MCF2: variants seen among roughly 807,000 people sequenced by gnomAD.
The protein encoded by MCF2 is proto-oncogene DBL.
Under a neutral mutation model 82.5 loss-of-function variants are expected in MCF2, and 44 were observed. The ratio of observed to expected loss-of-function variants is 0.53; its 90% CI spans 0.42 to 0.69. The LOEUF is 0.69. MCF2 is among the 30% of genes least tolerant of loss of function. MCF2 has a pLI of 0.00. For synonymous variants in MCF2, 217 were observed against 224.9 expected, an observed-to-expected ratio of 0.96 and a Z score of 0.32; for missense variants, 623 against 663.1, an observed-to-expected ratio of 0.94 and a Z score of 0.66.
intron 2 of MCF2, among the ~76,000 whole-genome samples, chrX:139,650,038 T>C (rs1162500275): frequency 1.8e-5 from 2 of 112,202 alleles, no homozygotes; most frequent in African/African-American, 6.5e-5. Flanking sequence ...AGCTTTATCA[T>C]AGGTATAATT....
exon 22 of MCF2, chrX:139,587,745 C>G: frequency 2.5e-6 from 3 of 1,196,734 alleles, no homozygotes; most frequent in Non-Finnish European, 2.3e-6. Context: ...AAATCTGAAA[C>G]TTATCCCGTT....
chrX:139,621,964 T>G (rs1932404157), intron 6 of MCF2, among the ~76,000 whole-genome samples: 1 of 110,907 alleles, frequency 9.0e-6, no homozygotes, highest in Non-Finnish European at 1.9e-5. Flanking sequence ...GGGAGAAAAT[T>G]TTCGCAACCT....
At chrX:139,674,133 T>A (rs1486865911) in intron 1 of MCF2, among the ~76,000 whole-genome samples, 1 of 106,317 alleles carries the variant, frequency 9.4e-6, no homozygotes, top group Non-Finnish European at 1.9e-5. Context: ...AGACTAGGAT[T>A]GCAACCCCTG....
intron 1 of MCF2, among the ~76,000 whole-genome samples, chrX:139,654,514 T>A (rs1355865043): frequency 8.9e-5 from 10 of 112,250 alleles, no homozygotes; most frequent in Non-Finnish European, 1.9e-4. Flanking sequence ...TATTGAGTTG[T>A]TTGAGCTCCT....
At chrX:139,685,180 A>G in intron 1 of MCF2, among the ~76,000 whole-genome samples, 1 of 111,038 alleles carries the variant, frequency 9.0e-6, no homozygotes, top group Admixed American at 9.6e-5. Flanking sequence ...AAAGAAATAG[A>G]AGATATCCAA....
chrX:139,665,990 TACAC>T (rs200682442), intron 1 of MCF2, among the ~76,000 whole-genome samples: 1,365 of 94,626 alleles, frequency 0.014, 22 homozygotes, highest in African/African-American at 0.048. Context: ...CACACACACA[TACAC>T]ACACACACAA....
chrX:139,702,058 T>C (rs768789859), intron 1 of MCF2, among the ~76,000 whole-genome samples: 1 of 111,735 alleles, frequency 8.9e-6, no homozygotes, highest in South Asian at 3.8e-4. Context: ...GCTATCCAGA[T>C]TGTATTCAGG....
chrX:139,606,238 T>A (rs1931002199), intron 12 of MCF2, among the ~76,000 whole-genome samples: 1 of 109,818 alleles, frequency 9.1e-6, no homozygotes, highest in African/African-American at 3.3e-5. Context: ...AAAATAAGTA[T>A]TAGCATTTTA....
At chrX:139,648,093 C>T (rs770460527) in intron 2 of MCF2, among the ~76,000 whole-genome samples, 2 of 111,607 alleles carry the variant, frequency 1.8e-5, no homozygotes, top group Admixed American at 9.5e-5. Flanking sequence ...GGATACAGGC[C>T]GGGCACAGTG....
At chrX:139,689,321 A>G (rs1202300640) in intron 1 of MCF2, among the ~76,000 whole-genome samples, 1 of 111,983 alleles carries the variant, frequency 8.9e-6, no homozygotes, top group African/African-American at 3.3e-5. Flanking sequence ...GCTGCTGTTG[A>G]CCACTGTGTA....
At chrX:139,594,815 G>A (rs995308663) in intron 19 of MCF2, among the ~76,000 whole-genome samples, 1 of 110,757 alleles carries the variant, frequency 9.0e-6, no homozygotes, top group African/African-American at 3.3e-5. Context: ...GAAAATTTTC[G>A]CAACCTACTC....
rs904802859 is a variant in MCF2 at position 139,651,780 on chromosome X, G to C, written c.-36C>G. On this transcript the variant is annotated 5_prime_UTR_variant, in exon 2 of 28. The change creates a new upstream start codon in the 5' untranslated region. Coordinates refer to the MCF2 transcript ENST00000414978. ...CTGATGTCCTTTATACGGAGGAGCAGATCGGTTTCTATGACAAACGAAAAT... is the reference window on the plus strand; with the variant it reads ...CTGATGTCCTTTATACGGAGGAGCACATCGGTTTCTATGACAAACGAAAAT... 3.1e-5 allele frequency: 36 copies of C among 1,144,709 alleles called. No individual in the cohort carries two copies. The highest frequency in any genetic ancestry group is 4.1e-5 in the Non-Finnish European group (35 of 854,666). 94.3% of individuals were successfully genotyped at this position (1,144,709 alleles called of 1,213,427 possible).
At chrX:139,653,764 A>C (rs1467101129) in intron 1 of MCF2, among the ~76,000 whole-genome samples, 1 of 111,210 alleles carries the variant, frequency 9.0e-6, no homozygotes, top group Non-Finnish European at 1.9e-5. Context: ...GGTAATAAAT[A>C]TATTTACATT....
rs769966147 is a variant in MCF2, at chrX:139,673,281, AT to A, written c.-44-21494del. Among the ~76,000 whole-genome samples the A allele has an allele frequency of 9.6e-3, 1,070 of 111,145 alleles. 15 individuals are homozygous for A. Among genetic ancestry groups the A allele is most frequent in the African/African-American group, 0.032 (982 of 30,491 alleles). On this transcript the variant is annotated intron_variant, in intron 1 of 27. Transcript: ENST00000414978. ...AAAAAACCAACTCCTGGATTCATTG[AT>A]TTTTTTGAAGGGTTTTTTGCATCTC...
chrX:139,697,634 G>C (rs1212771717), intron 1 of MCF2, among the ~76,000 whole-genome samples: 1 of 111,789 alleles, frequency 8.9e-6, no homozygotes, highest in Non-Finnish European at 1.9e-5. Context: ...CAAAGAGATT[G>C]GTCAATGAAT....
chrX:139,642,137 ATTGTT>A (rs1364194455), intron 1 of MCF2, among the ~76,000 whole-genome samples: 2 of 111,711 alleles, frequency 1.8e-5, no homozygotes, highest in African/African-American at 6.5e-5. Flanking sequence ...TTTGTTAGAT[ATTGTT>A]TTAAGTCATT....
chrX:139,640,366 C>A (rs1164762579), intron 1 of MCF2, among the ~76,000 whole-genome samples: 2 of 111,227 alleles, frequency 1.8e-5, no homozygotes, highest in African/African-American at 6.5e-5. Flanking sequence ...TAGTTTGCAA[C>A]AGTATGAGCC....
rs192362696 is a variant in MCF2 at position 139,638,291 on chromosome X, G to T, written c.51+4177C>A. ...GAGGAATTTGCAGAAGTTATAGCAG[G>T]GATGACACAAGAATCAGGTTGGTTG... On this transcript the variant is annotated intron_variant, in intron 1 of 24. Coordinates refer to ENST00000370576, the Ensembl canonical transcript of MCF2. 8.1e-5 allele frequency among the ~76,000 whole-genome samples: 9 copies of T among 111,464 alleles called. No homozygotes were observed. In the East Asian group the frequency reaches 2.5e-3, roughly 31 times the overall value.
chrX:139,582,609 A>G, intron 24 of MCF2, 106 bp from the exon 29 acceptor site: 1 of 509,830 alleles, frequency 2.0e-6, no homozygotes, highest in East Asian at 3.4e-5. Context: ...AGAAGGGTGT[A>G]TGGAATACAT....
Sources: gnomAD v4.1 joint callset for allele counts (sites outside exome capture counted in the v4.1 genomes callset) on GRCh38, gnomAD v4.1.1 for gene constraint, MANE v1.5 for transcripts, NCBI Gene and HGNC (gene_info 2026-07-23, HGNC 2026-07-21) for gene names.